The following ZBTB20 variants were observed in gnomAD, a reference collection of about 807,000 sequenced individuals.
ZBTB20 encodes zinc finger and BTB domain-containing protein 20.
Under a neutral mutation model 56.9 loss-of-function variants are expected in ZBTB20, and 9 were observed. The observed-to-expected ratio is 0.16, with a 90% CI of 0.10 to 0.28. The LOEUF (loss-of-function observed/expected upper bound fraction) is 0.28, where lower values mean the gene tolerates loss of function less well. Among genes scored for constraint, ZBTB20 ranks in the 10% least tolerant of loss-of-function variants. The probability of loss-of-function intolerance (pLI) is 1.00; values close to 1 mark genes in which losing one functional copy is unlikely to be tolerated. For synonymous variants in ZBTB20, 417 were observed against 420.7 expected, an observed-to-expected ratio of 0.99 and a Z score of 0.11; for missense variants, 655 against 1,003.0, an observed-to-expected ratio of 0.65 and a Z score of 4.69.
At chr3:114,730,889 A>G (rs1379189627) in intron 5 of ZBTB20, among the ~76,000 whole-genome samples, 4 of 152,220 alleles carry the variant, frequency 2.6e-5, no homozygotes, top group Non-Finnish European at 5.9e-5. Flanking sequence ...AGGTATAGAA[A>G]CAGACTATGG....
chr3:115,060,473 T>C (rs2081974993), intron 2 of ZBTB20, among the ~76,000 whole-genome samples: 1 of 152,166 alleles, frequency 6.6e-6, no homozygotes, highest in Non-Finnish European at 1.5e-5. Flanking sequence ...GAGAGGATTC[T>C]TTCTTAAGAT....
chr3:114,325,137 T>C lies in ZBTB20; in HGVS notation c.*13868A>G, dbSNP rs1017630965. On this transcript the variant is annotated 3_prime_UTR_variant, in exon 12 of 12. Transcript: ENST00000675478. ...CTTTCAACAATAGTGTAGGAACAAT[T>C]TTAATTAGATATATGCAAATTACCC... 2 of 152,162 alleles carry C rather than the reference T, an allele frequency of 1.3e-5. No individual in the cohort carries two copies. Among genetic ancestry groups the C allele is most frequent in the African/African-American group, 4.8e-5 (2 of 41,440 alleles). 9.4% of individuals were successfully genotyped at this position (152,162 alleles called of 1,614,324 possible).
intron 4 of ZBTB20, among the ~76,000 whole-genome samples, chr3:114,890,111 A>G (rs1183218721): frequency 6.6e-6 from 1 of 152,032 alleles, no homozygotes; most frequent in East Asian, 1.9e-4. Context: ...TACTCTTTCT[A>G]CTCTATTATA....
At chr3:114,353,639 AC>A (rs1255322393) in intron 10 of ZBTB20, among the ~76,000 whole-genome samples, 1 of 152,176 alleles carries the variant, frequency 6.6e-6, no homozygotes, top group Admixed American at 6.5e-5. Context: ...GGCACAAATA[AC>A]CCAGGAAGGG....
rs2080617100 is a variant in ZBTB20, at chr3:114,350,982, T to C, written c.1096A>G (p.Thr366Ala). 1.2e-6 allele frequency: 2 copies of C among 1,608,884 alleles called. No homozygotes were observed. The highest frequency in any genetic ancestry group is 2.7e-5 in the African/African-American group (2 of 74,916). Residue 366 changes from threonine to alanine, a missense_variant, in exon 11 of 12, where the codon ACC (threonine) becomes GCC (alanine). Thr to Ala is a moderately conservative substitution (Grantham distance 58). Transcript: ENST00000675478. ...CTTTCACCTTTGGGCTCACTCTCGG[T>C]GCCCTCGGCCTGGTCTGTGTCTTCC... ...CTEDTDQAEG[T>A]ESEPKGESFD... is the part of the protein sequence containing the mutation.
At chr3:114,981,060 A>G (rs2078306295) in intron 2 of ZBTB20, among the ~76,000 whole-genome samples, 2 of 152,058 alleles carry the variant, frequency 1.3e-5, no homozygotes, top group Admixed American at 1.3e-4. Context: ...TTGGGAAGTC[A>G]GAAGGGCCTC....
chr3:114,595,937 G>T (rs1446195239), intron 6 of ZBTB20, among the ~76,000 whole-genome samples: 1 of 152,196 alleles, frequency 6.6e-6, no homozygotes, highest in Non-Finnish European at 1.5e-5. Flanking sequence ...TGGGAAAGTT[G>T]ACATAATAAT....
intron 6 of ZBTB20, among the ~76,000 whole-genome samples, chr3:114,671,166 T>G (rs1363115928): frequency 6.6e-6 from 1 of 152,112 alleles, no homozygotes; most frequent in African/African-American, 2.4e-5. Context: ...AGACTACGCA[T>G]TTAAAGTAGG....
rs543767582 is a variant in ZBTB20 at position 114,329,988 on chromosome 3, T to C, written c.*9017A>G. 6 of 152,344 alleles carry C rather than the reference T, an allele frequency of 3.9e-5. No individual in the cohort carries two copies. The highest frequency in any genetic ancestry group is 1.4e-4 in the African/African-American group (6 of 41,580). The allele number at this position is 152,344 out of a possible 1,614,324, so 9.4% of individuals were successfully genotyped here. A position where few individuals can be genotyped will look rare whatever the true frequency, so the allele number is the denominator to read the frequency against. On this transcript the variant is annotated 3_prime_UTR_variant, in exon 12 of 12. Coordinates refer to ENST00000675478, the MANE Select transcript of ZBTB20 (RefSeq NM_001348800.3). ...CACTTAAGTAGCCCCTTGGTCATAT[T>C]TTTAAAAGCAAATATAGACAGTGAC...
At chr3:114,961,247 G>A (rs1480112977) in intron 3 of ZBTB20, among the ~76,000 whole-genome samples, 1 of 150,612 alleles carries the variant, frequency 6.6e-6, no homozygotes, top group African/African-American at 2.4e-5. Flanking sequence ...TATGTCATAA[G>A]CCCAGGAAAA....
At chr3:114,794,613 A>C (rs948087289) in intron 5 of ZBTB20, among the ~76,000 whole-genome samples, 25 of 152,070 alleles carry the variant, frequency 1.6e-4, no homozygotes, top group Admixed American at 1.6e-3. Context: ...AAATCCTCAT[A>C]TCTTTAGAGC....
intron 5 of ZBTB20, among the ~76,000 whole-genome samples, chr3:114,787,368 T>TATATATATATACACATACAC (rs1433434685): frequency 9.4e-6 from 1 of 106,332 alleles, no homozygotes; most frequent in African/African-American, 4.5e-5. Context: ...TATATATATA[T>TATATATATATACACATACAC]ACACACACAC....
intron 7 of ZBTB20, among the ~76,000 whole-genome samples, chr3:114,437,080 T>C (rs2090568464): frequency 2.0e-5 from 3 of 152,184 alleles, no homozygotes; most frequent in South Asian, 4.1e-4. Context: ...GAGGGAGGGA[T>C]AGGGATAATT....
chr3:114,346,064 G>T (rs1373677139), intron 11 of ZBTB20, among the ~76,000 whole-genome samples: 29 of 152,188 alleles, frequency 1.9e-4, no homozygotes, highest in Non-Finnish European at 8.8e-5. Context: ...AACTCCTAGA[G>T]ATAAGGAAGT....
At chr3:114,376,827 A>G (rs1279947740) in intron 10 of ZBTB20, among the ~76,000 whole-genome samples, 2 of 152,258 alleles carry the variant, frequency 1.3e-5, no homozygotes, top group African/African-American at 4.8e-5. Flanking sequence ...GCTTCCAACA[A>G]AAGAAAGACA....
chr3:114,425,201 C>T (rs2089543056), intron 7 of ZBTB20, among the ~76,000 whole-genome samples: 1 of 150,484 alleles, frequency 6.6e-6, no homozygotes, highest in Admixed American at 6.6e-5. Context: ...TTCTCCCTTA[C>T]TCTTGGCAAT....
At chr3:114,940,617 A>G (rs1346103005) in intron 3 of ZBTB20, among the ~76,000 whole-genome samples, 1 of 146,466 alleles carries the variant, frequency 6.8e-6, no homozygotes, top group African/African-American at 2.8e-5. Flanking sequence ...TTTAAAATCC[A>G]TCAATAAATG....
At chr3:114,839,256 C>T (rs1308549318) in intron 4 of ZBTB20, among the ~76,000 whole-genome samples, 1 of 151,848 alleles carries the variant, frequency 6.6e-6, no homozygotes, top group South Asian at 2.1e-4. Flanking sequence ...CAAAACTGTG[C>T]TTGGTGTGTT....
chr3:115,039,264 T>C (rs1178565089), intron 2 of ZBTB20, among the ~76,000 whole-genome samples: 1 of 152,056 alleles, frequency 6.6e-6, no homozygotes, highest in East Asian at 1.9e-4. Context: ...ACTAGAATCA[T>C]AACATATTTG....
Sources: gnomAD v4.1 joint callset for allele counts (sites outside exome capture counted in the v4.1 genomes callset) on GRCh38, gnomAD v4.1.1 for gene constraint, MANE v1.5 for transcripts, NCBI Gene and HGNC (gene_info 2026-07-23, HGNC 2026-07-21) for gene names.